The following NYAP2 variants were observed in gnomAD, a reference collection of about 807,000 sequenced individuals.
NYAP2 encodes neuronal tyrosine-phosphorylated phosphoinositide-3-kinase adapter 2.
In NYAP2, 23 loss-of-function variants were observed where a neutral mutation model predicts 50.4. That is an observed-to-expected ratio of 0.46 (90% CI 0.33 to 0.65). NYAP2 has a LOEUF of 0.65. Ranked by LOEUF, NYAP2 falls within the 30% of genes least tolerant of loss-of-function variation. The pLI, the probability that NYAP2 is intolerant of heterozygous loss-of-function variation, is 0.02. For synonymous variants in NYAP2, 394 were observed against 365.2 expected (o/e 1.08, Z -0.90); for missense variants, 885 against 861.0 (o/e 1.03, Z -0.35).
intron 3 of NYAP2, among the ~76,000 whole-genome samples, chr2:225,439,180 T>A (rs1011327730): frequency 6.6e-6 from 1 of 152,082 alleles, no homozygotes. Context: ...TGGGTTTTCA[T>A]TAGGTGGATT....
At chr2:225,654,592 G>A (rs551444328), downstream of NYAP2, among the ~76,000 whole-genome samples, 129 of 152,268 alleles carry the variant, frequency 8.5e-4, no homozygotes, top group Middle Eastern at 3.4e-3. Flanking sequence ...GCTGAGGCAG[G>A]AGGATCGCTT....
At chr2:225,498,492 G>A (rs1331781527) in intron 3 of NYAP2, among the ~76,000 whole-genome samples, 2 of 152,074 alleles carry the variant, frequency 1.3e-5, no homozygotes, top group Non-Finnish European at 2.9e-5. Flanking sequence ...ATTCCTTACA[G>A]AGGAACTGGA....
intron 4 of NYAP2, among the ~76,000 whole-genome samples, chr2:225,515,389 G>A (rs554241607): frequency 6.6e-6 from 1 of 152,270 alleles, no homozygotes; most frequent in South Asian, 2.1e-4. Flanking sequence ...GTACAGCCAA[G>A]TAATTAATCA....
At chr2:225,600,694 C>T (rs984540055) in intron 5 of NYAP2, among the ~76,000 whole-genome samples, 2 of 152,168 alleles carry the variant, frequency 1.3e-5, no homozygotes, top group African/African-American at 4.8e-5. Context: ...AGCTTTCATT[C>T]TTCCCAACTA....
chr2:225,405,467 G>A (rs1245290437), intron 2 of NYAP2, among the ~76,000 whole-genome samples: 1 of 151,968 alleles, frequency 6.6e-6, no homozygotes, highest in Non-Finnish European at 1.5e-5. Context: ...GAGTCAAAAT[G>A]CAGTCAAGTT....
chr2:225,628,315 G>GTTTTTTTT (rs543647777), intron 6 of NYAP2, among the ~76,000 whole-genome samples: 3 of 109,420 alleles, frequency 2.7e-5, no homozygotes, highest in East Asian at 2.8e-4. Context: ...AGAACACATA[G>GTTTTTTTT]TTTTTTTTTT....
Position 225,518,582 on chromosome 2 carries a change from T to TTATA in NYAP2, c.523+4930_523+4933dup, listed in dbSNP as rs375598039. Among the ~76,000 whole-genome samples the TTATA allele has an allele frequency of 5.9e-4, 42 of 71,708 alleles. 3 individuals carry two copies. The highest frequency in any genetic ancestry group is 1.5e-3 in the African/African-American group (28 of 19,286). 47.0% of individuals were successfully genotyped at this position (71,708 alleles called of 152,430 possible). ...TATATATATATATTAGCGTGTGCGC[T>TTATA]TATATATATATATATATATATATTA... On this transcript the variant is annotated intron_variant, in intron 4 of 6. Transcript: ENST00000636099.
the NYAP2 span, among the ~76,000 whole-genome samples, chr2:225,670,208 G>T: frequency 4.6e-5 from 7 of 152,186 alleles, no homozygotes; most frequent in South Asian, 1.2e-3. Flanking sequence ...GGAATAAAAA[G>T]GATAACAGCC....
chr2:225,663,303 G>A, the NYAP2 span, among the ~76,000 whole-genome samples: 4 of 152,126 alleles, frequency 2.6e-5, no homozygotes, highest in Admixed American at 2.0e-4. Context: ...CCCAGCTCCA[G>A]CCTCTAAACT....
intron 3 of NYAP2, among the ~76,000 whole-genome samples, chr2:225,449,868 C>T (rs916229993): frequency 2.6e-4 from 40 of 152,002 alleles, no homozygotes; most frequent in Non-Finnish European, 5.1e-4. Flanking sequence ...CCACTCACCT[C>T]GGTCTCCCAA....
At chr2:225,693,137 G>A in the NYAP2 span, among the ~76,000 whole-genome samples, 1 of 151,942 alleles carries the variant, frequency 6.6e-6, no homozygotes, top group Non-Finnish European at 1.5e-5. Context: ...TTAATCCAAT[G>A]TTCTTTTCCT....
chr2:225,521,623 C>G (rs62188688), intron 4 of NYAP2, among the ~76,000 whole-genome samples: 1 of 151,758 alleles, frequency 6.6e-6, no homozygotes, highest in Non-Finnish European at 1.5e-5. Context: ...AGGGATGAAG[C>G]CCACTTGATC....
Position 225,559,326 on chromosome 2 carries a change from A to C in NYAP2, c.524-22615A>C, listed in dbSNP as rs76244279. The stretch of plus-strand genomic sequence containing the variant: ...AGAGGATGCTTTTAAGGAAGGTCTT[A>C]AATGAAGGCATTGTACAAATGCCAA... On this transcript the variant is annotated intron_variant, in intron 4 of 6. Transcript: ENST00000636099. Among the ~76,000 whole-genome samples the C allele has an allele frequency of 6.5e-3, 902 of 138,554 alleles. 6 individuals are homozygous for C. Among genetic ancestry groups the C allele is most frequent in the African/African-American group, 0.023 (869 of 37,204 alleles). 90.9% of individuals were successfully genotyped at this position (138,554 alleles called of 152,430 possible). A position where few individuals can be genotyped will look rare whatever the true frequency, so the allele number is the denominator to read the frequency against.
chr2:225,498,722 G>A (rs1315515503), intron 3 of NYAP2, among the ~76,000 whole-genome samples: 2 of 152,156 alleles, frequency 1.3e-5, no homozygotes, highest in African/African-American at 4.8e-5. Context: ...TGAAATCTAG[G>A]TAGAAGAGGA....
intron 5 of NYAP2, among the ~76,000 whole-genome samples, chr2:225,589,573 C>T (rs1361948370): frequency 5.2e-5 from 7 of 133,848 alleles, no homozygotes; most frequent in African/African-American, 1.9e-4. Context: ...CACATGCCTG[C>T]GGTCCTAGGT....
In NYAP2 at chr2:225,448,770, CAGAATCAAAATT is replaced by C. The variant is rs1486261354; in HGVS notation, c.221+39672_221+39683del. On this transcript the variant is annotated intron_variant, in intron 3 of 6. Coordinates refer to ENST00000636099, the Ensembl canonical transcript of NYAP2. ...ACAAGCCATTGTCTTTGTCATGCTC[CAGAATCAAAATT>C]AGCCAGAGAGATTCAATGAGCAGTT... Among the ~76,000 whole-genome samples the C allele has an allele frequency of 3.9e-5, 6 of 152,148 alleles. No homozygotes were observed. The East Asian group carries it at 1.2e-3, about 29-fold the overall frequency.
intron 4 of NYAP2, among the ~76,000 whole-genome samples, chr2:225,540,020 G>A (rs1691429736): frequency 6.6e-6 from 1 of 152,146 alleles, no homozygotes; most frequent in African/African-American, 2.4e-5. Flanking sequence ...AACATAACAA[G>A]CATCACTTTT....
intron 3 of NYAP2, among the ~76,000 whole-genome samples, chr2:225,483,328 T>A (rs1690237164): frequency 6.6e-6 from 1 of 152,138 alleles, no homozygotes; most frequent in Non-Finnish European, 1.5e-5. Flanking sequence ...AAACTATAAT[T>A]GTTAATTATG....
At chr2:225,480,804 T>C (rs1420091959) in intron 3 of NYAP2, among the ~76,000 whole-genome samples, 3 of 152,148 alleles carry the variant, frequency 2.0e-5, no homozygotes, top group Non-Finnish European at 4.4e-5. Context: ...TTCTTTCTTA[T>C]ATAAATGGTT....
Sources: gnomAD v4.1 joint callset for allele counts (sites outside exome capture counted in the v4.1 genomes callset) on GRCh38, gnomAD v4.1.1 for gene constraint, MANE v1.5 for transcripts, NCBI Gene and HGNC (gene_info 2026-07-23, HGNC 2026-07-21) for gene names.